The following ZC3H7A variants were observed in gnomAD, a reference collection of about 807,000 sequenced individuals.
ZC3H7A encodes the protein zinc finger CCCH domain-containing protein 7A.
ZC3H7A carries 44 observed loss-of-function variants against 125.5 expected under a neutral mutation model. That is an observed-to-expected ratio of 0.35 (90% CI 0.28 to 0.45). ZC3H7A has a LOEUF of 0.45. Ranked by LOEUF, ZC3H7A falls within the 20% of genes least tolerant of loss-of-function variation. The pLI, the probability that ZC3H7A is intolerant of heterozygous loss-of-function variation, is 1.00. For missense variants in ZC3H7A, 977 were observed against 1,170.7 expected, an observed-to-expected ratio of 0.83 and a Z score of 2.41; for synonymous variants, 399 against 391.2, an observed-to-expected ratio of 1.02 and a Z score of -0.23.
chr16:11,791,888 A>T (rs1317843858), intron 1 of ZC3H7A, among the ~76,000 whole-genome samples: 1 of 152,194 alleles, frequency 6.6e-6, no homozygotes. Context: ...AATAAAAAAG[A>T]ATTCCAGGGA....
intron 6 of ZC3H7A, 23 bp downstream of exon 6, chr16:11,776,429 T>A: frequency 6.2e-7 from 1 of 1,604,370 alleles, no homozygotes. Flanking sequence ...TGAAAACACC[T>A]TATGCAGAGA....
intron 18 of ZC3H7A, 41 bp from the exon 19 acceptor site, chr16:11,761,552 G>GC (rs774043098): frequency 6.2e-7 from 1 of 1,601,982 alleles, no homozygotes; most frequent in African/African-American, 1.3e-5. Context: ...AGACACACGA[G>GC]CAAAAGACAT....
chr16:11,772,465 C>T (rs2053002258), intron 9 of ZC3H7A, among the ~76,000 whole-genome samples: 1 of 151,790 alleles, frequency 6.6e-6, no homozygotes, highest in African/African-American at 2.4e-5. Context: ...CTCTCAGATA[C>T]ATCCTACTGT....
Position 11,768,496 on chromosome 16 carries a change from A to G in ZC3H7A, c.1179T>C (p.Asn393=), listed in dbSNP as rs562221507. Reference sequence around the variant, plus strand: ...CTGAAGCAAACAAACTACCTGGTCCATTCATCTGCAAGAAAAATAAGAAGA... The same window carrying G: ...CTGAAGCAAACAAACTACCTGGTCCGTTCATCTGCAAGAAAAATAAGAAGA... ...NNSNSSLLLM[N]GPGSLFASEN... Residue 393 remains asparagine, a synonymous_variant, in exon 12 of 23, where the codon AAT becomes AAC. Transcript: ENST00000355758. The G allele has an allele frequency of 1.4e-6, 2 of 1,435,188 alleles. No individual in the cohort carries two copies. The highest frequency in any genetic ancestry group is 2.5e-5 in the Admixed American group (1 of 40,626). The allele number at this position is 1,435,188 out of a possible 1,614,324, so 88.9% of individuals were successfully genotyped here. A position where few individuals can be genotyped will look rare whatever the true frequency, so the allele number is the denominator to read the frequency against.
Position 11,763,570 on chromosome 16 carries a change from T to G in ZC3H7A, c.1910A>C (p.His637Pro). Residue 637 changes from histidine to proline, a missense_variant, in exon 16 of 23, where the codon CAT (histidine) becomes CCT (proline). Transcript: ENST00000355758. ...CCTTAAACAGCCATACCGAACTTCA[T>G]GTCGACATAAATCAAGCTGACACTG... The part of the protein sequence containing the change: ...HGQCQLDLCR[H>P]EVRYGCLRED... 1.9e-6 allele frequency: 3 copies of G among 1,612,306 alleles called. No homozygotes were observed. The highest frequency in any genetic ancestry group is 2.5e-6 in the Non-Finnish European group (3 of 1,179,140).
intron 9 of ZC3H7A, among the ~76,000 whole-genome samples, chr16:11,773,205 G>A (rs1467504483): frequency 6.6e-6 from 1 of 151,894 alleles, no homozygotes; most frequent in Admixed American, 6.5e-5. Flanking sequence ...GATTGAGACA[G>A]GGTCTCGCTG....
chr16:11,760,146 GA>G (rs1347320325), intron 19 of ZC3H7A, among the ~76,000 whole-genome samples: 6 of 92,804 alleles, frequency 6.5e-5, no homozygotes, highest in African/African-American at 1.3e-4. Context: ...AAAAAAAAAA[GA>G]AAAAAAGTCC....
chr16:11,777,191 C>A (rs1408047438), intron 4 of ZC3H7A, among the ~76,000 whole-genome samples: 1 of 152,168 alleles, frequency 6.6e-6, no homozygotes, highest in Non-Finnish European at 1.5e-5. Flanking sequence ...GCTTTCCAGA[C>A]CTAACTGATG....
In ZC3H7A at chr16:11,771,094, G is replaced by A. The variant is rs75273777; in HGVS notation, c.904-107C>T. The A allele has an allele frequency of 6.4e-5, 72 of 1,131,308 alleles. No individual in the cohort carries two copies. In the East Asian group the frequency reaches 9.1e-4, roughly 14 times the overall value. The allele number at this position is 1,131,308 out of a possible 1,614,324, so 70.1% of individuals were successfully genotyped here. A position where few individuals can be genotyped will look rare whatever the true frequency, so the allele number is the denominator to read the frequency against. On this transcript the variant is annotated intron_variant, in intron 9 of 22. Coordinates refer to ENST00000355758, the MANE Select transcript of ZC3H7A (RefSeq NM_014153.4). Reference sequence around the variant, plus strand: ...AAGCATTATTACACTGGGAGATCACGTTACATAACAAAGTTTAGGCCAGGC... The same window carrying A: ...AAGCATTATTACACTGGGAGATCACATTACATAACAAAGTTTAGGCCAGGC...
chr16:11,785,086 A>C (rs2053236379), intron 1 of ZC3H7A, among the ~76,000 whole-genome samples: 1 of 152,126 alleles, frequency 6.6e-6, no homozygotes, highest in Admixed American at 6.5e-5. Context: ...TCAACCCGGG[A>C]GGCGGAGGTT....
In ZC3H7A at chr16:11,765,174, T is replaced by C; in HGVS notation, c.1720-21A>G. On this transcript the variant is annotated intron_variant, in intron 14 of 22. Coordinates refer to ENST00000355758, the MANE Select transcript of ZC3H7A (RefSeq NM_014153.4). This position sits in a 1 kb window ranked among gnomAD's most constrained non-coding sequence, Gnocchi z 4.8. The stretch of plus-strand genomic sequence containing the variant: ...CATTTCTGGAATAGAGAGAGAAAGA[T>C]TATCAAAAAAAATACAAAATATAAA... 7.0e-7 allele frequency: 1 copy of C among 1,421,686 alleles called. No homozygotes were observed. The highest frequency in any genetic ancestry group is 9.5e-7 in the Non-Finnish European group (1 of 1,050,458). The allele number at this position is 1,421,686 out of a possible 1,614,324, so 88.1% of individuals were successfully genotyped here.
Position 11,767,676 on chromosome 16 carries a change from T to C in ZC3H7A, c.1361-98A>G, listed in dbSNP as rs2052885049. The C allele has an allele frequency of 4.9e-6, 6 of 1,213,932 alleles. No homozygotes were observed. In the East Asian group the frequency reaches 1.6e-4, roughly 32 times the overall value. The allele number at this position is 1,213,932 out of a possible 1,614,324, so 75.2% of individuals were successfully genotyped here. On this transcript the variant is annotated intron_variant, in intron 12 of 22. Transcript: ENST00000355758. ...CAGACATGAACAGATGAACATCAAT[T>C]ATTAAATTCCCACAGAAATCCCACT...
In ZC3H7A at chr16:11,771,428, A is replaced by C. The variant is rs143469861; in HGVS notation, c.904-441T>G. ...AAAAACAAAGTTTAAATCAGAATCA[A>C]GATTCGTTTAAAACAATTTTAGCTA... On this transcript the variant is annotated intron_variant, in intron 9 of 22. Coordinates refer to ENST00000355758, the MANE Select transcript of ZC3H7A (RefSeq NM_014153.4). Among the ~76,000 whole-genome samples, 7 of 152,284 alleles carry C rather than the reference A, an allele frequency of 4.6e-5. No homozygotes were observed. The East Asian group carries it at 1.2e-3, about 25-fold the overall frequency.
intron 9 of ZC3H7A, 116 bp downstream of exon 9, chr16:11,774,118 TAA>T (rs1027535724): frequency 3.9e-6 from 4 of 1,014,696 alleles, no homozygotes; most frequent in Non-Finnish European, 5.2e-6. Context: ...CTTTCAAGGT[TAA>T]AAAAACCCCC....
chr16:11,793,426 G>A (rs150698321), intron 1 of ZC3H7A, among the ~76,000 whole-genome samples: 83 of 151,976 alleles, frequency 5.5e-4, no homozygotes, highest in African/African-American at 1.5e-3. Flanking sequence ...CCAGCTACTC[G>A]GGAGACTGAG....
rs569790387 is a variant in ZC3H7A at position 11,787,258 on chromosome 16, G to A, written c.-34-4870C>T. ...TGGAGGCTGCAGTGAGCTGCTGACCGCGCCACTACAACCCAACCTGGGCAA... is the reference window on the plus strand; with the variant it reads ...TGGAGGCTGCAGTGAGCTGCTGACCACGCCACTACAACCCAACCTGGGCAA... On this transcript the variant is annotated intron_variant, in intron 1 of 22. Transcript: ENST00000355758. Among the ~76,000 whole-genome samples, 23 of 152,232 alleles carry A rather than the reference G, an allele frequency of 1.5e-4. No individual in the cohort carries two copies. In the South Asian group the frequency reaches 2.3e-3, roughly 15 times the overall value.
chr16:11,765,564 G>C lies in ZC3H7A; in HGVS notation c.1644C>G (p.Gly548=). The C allele has an allele frequency of 6.2e-7, 1 of 1,614,080 alleles. No homozygotes were observed. Among genetic ancestry groups the C allele is most frequent in the Non-Finnish European group, 8.5e-7 (1 of 1,179,996 alleles). Residue 548 remains glycine (G), a synonymous_variant, in exon 14 of 23, where the codon GGC becomes GGG. Transcript: ENST00000355758. The surrounding 1 kb of genome is among the most constrained non-coding windows in gnomAD (Gnocchi z 4.8). ...KGAFSREAFF[G]GNGKINLTVF... ...CAGTAAGGTTAATCTTTCCATTGCCGCCAAAGAAAGCCTCCCGGCTGAATG... is the reference window on the plus strand; with the variant it reads ...CAGTAAGGTTAATCTTTCCATTGCCCCCAAAGAAAGCCTCCCGGCTGAATG...
Position 11,767,424 on chromosome 16 carries a change from T to C in ZC3H7A, c.1515A>G (p.Ile505Met). Residue 505 changes from isoleucine to methionine, a missense_variant, in exon 13 of 23, where the codon ATA becomes ATG. Physicochemically the swap from Ile to Met is conservative, Grantham distance 10. This residue lies in a region of ZC3H7A where 436 missense variants were observed against 603.2 expected (regional missense o/e 0.72). Coordinates refer to ENST00000355758, the MANE Select transcript of ZC3H7A (RefSeq NM_014153.4). Reference protein sequence around the residue: ...TKTNYEGPYYICKDVAAEEEC... With the variant: ...TKTNYEGPYYMCKDVAAEEEC... ...AGTAATTACAGTACATACCTTTACA[T>C]ATATAATATGGTCCTTCATAATTTG... 1.3e-6 allele frequency: 2 copies of C among 1,579,576 alleles called. No individual in the cohort carries two copies. Among genetic ancestry groups the C allele is most frequent in the South Asian group, 1.1e-5 (1 of 89,076 alleles).
chr16:11,751,578 T>C (rs979667662), intron 22 of ZC3H7A, 72 bp from the exon 23 acceptor site: 9 of 1,449,930 alleles, frequency 6.2e-6, no homozygotes, highest in African/African-American at 2.8e-5. Flanking sequence ...TTCTTGAAAC[T>C]GTATATTTCA....
Sources: gnomAD v4.1 joint callset for allele counts (sites outside exome capture counted in the v4.1 genomes callset) on GRCh38, gnomAD v4.1.1 for gene constraint, gnomAD v4.1.1 regional missense constraint, Gnocchi (gnomAD v3.1) non-coding constraint, MANE v1.5 for transcripts, NCBI Gene and HGNC (gene_info 2026-07-23, HGNC 2026-07-21) for gene names.